Variants in UBAP2 observed in about 807,000 individuals in gnomAD.
UBAP2 encodes ubiquitin associated protein 2.
A neutral mutation model predicts 139.6 loss-of-function variants in UBAP2; 75 were observed. That is an observed-to-expected ratio of 0.54 (90% CI 0.45 to 0.65). The LOEUF (loss-of-function observed/expected upper bound fraction) is 0.65. Among genes scored for constraint, UBAP2 ranks in the 30% least tolerant of loss-of-function variants. The pLI is 0.00. For synonymous variants in UBAP2, 526 were observed against 526.2 expected (o/e 1.00, Z 0.01); for missense variants, 1,368 against 1,369.6 (o/e 1.00, Z 0.02).
chr9:33,981,103 GATATATATATATATAT>G lies in UBAP2; in HGVS notation c.520+5641_520+5656del, dbSNP rs569105151. ...TATATATATATATATATATATTCTG[GATATATATATATATAT>G]ATATATATATATATATATTCTGGAT... On this transcript the variant is annotated intron_variant, in intron 6 of 28. Transcript: ENST00000379238. 0.028 allele frequency among the ~76,000 whole-genome samples: 17 copies of G among 602 alleles called. 5 individuals are homozygous for G. In the East Asian group the frequency reaches 0.35, roughly 12 times the overall value. 0.4% of individuals were successfully genotyped at this position (602 alleles called of 152,430 possible).
chr9:33,971,851 C>T, intron 7 of UBAP2, 97 bp from the exon 8 acceptor site: 1 of 711,634 alleles, frequency 1.4e-6, no homozygotes, highest in Admixed American at 2.1e-5. Context: ...AAGCCCAGTG[C>T]CTTCTCACAG....
rs188005733 is a variant in UBAP2, at chr9:34,033,315, G to A, written c.-42+15510C>T. Among the ~76,000 whole-genome samples the A allele has an allele frequency of 4.6e-5, 7 of 152,234 alleles. No individual in the cohort carries two copies. The East Asian group carries it at 1.2e-3, about 25-fold the overall frequency. The stretch of plus-strand genomic sequence containing the variant: ...ATGAGATCCTGTCATTTGAAACAAC[G>A]TGGATAGAACCGGAGATCATTATGT... On this transcript the variant is annotated intron_variant, in intron 1 of 28. Transcript: ENST00000379238.
chr9:33,994,941 G>A (rs1225769444), intron 4 of UBAP2: 1 of 152,142 alleles, frequency 6.6e-6, no homozygotes, highest in Non-Finnish European at 1.5e-5. Context: ...CACTGACACG[G>A]TCAGTTTGTT....
At chr9:34,009,458 C>T (rs557036593) in intron 2 of UBAP2, among the ~76,000 whole-genome samples, 1 of 151,996 alleles carries the variant, frequency 6.6e-6, no homozygotes, top group Admixed American at 6.6e-5. Context: ...CAGGGTCTCG[C>T]TACTTGGCCC....
At chr9:33,990,636 A>ATTTTT (rs1821623852) in intron 4 of UBAP2, among the ~76,000 whole-genome samples, 2 of 22,420 alleles carry the variant, frequency 8.9e-5, no homozygotes, top group Admixed American at 6.0e-4. Flanking sequence ...AGTACCCCCC[A>ATTTTT]ATTTTTTTTT....
At chr9:33,922,664 G>A (rs751481975) in intron 28 of UBAP2, 23 bp downstream of exon 28, 1 of 1,577,244 alleles carries the variant, frequency 6.3e-7, no homozygotes, top group Admixed American at 1.8e-5. Flanking sequence ...GAGTAGGGTG[G>A]CTGCCTCCAT....
At chr9:33,949,836 T>C (rs936200095) in intron 12 of UBAP2, among the ~76,000 whole-genome samples, 18 of 152,182 alleles carry the variant, frequency 1.2e-4, no homozygotes, top group African/African-American at 3.9e-4. Context: ...GCAAATACCA[T>C]AGACACTGCT....
At chr9:33,944,765 C>CACACTATGTGTGTGTT (rs1354791711) in intron 13 of UBAP2, 126 bp from the exon 14 acceptor site, 1 of 1,129,616 alleles carries the variant, frequency 8.9e-7, no homozygotes, top group African/African-American at 1.6e-5. Flanking sequence ...AGGTTTTACA[C>CACACTATGTGTGTGTT]ACACTATGTG....
chr9:33,922,271 T>TGGCTAACATCTGCCGCCATCCCC lies in UBAP2; in HGVS notation c.*210_*232dup, dbSNP rs1443705103. The TGGCTAACATCTGCCGCCATCCCC allele has an allele frequency of 1.3e-4, 70 of 530,128 alleles. No individual in the cohort carries two copies. Among genetic ancestry groups the TGGCTAACATCTGCCGCCATCCCC allele is most frequent in the Non-Finnish European group, 2.2e-4 (64 of 294,962 alleles). 32.8% of individuals were successfully genotyped at this position (530,128 alleles called of 1,614,324 possible). A position where few individuals can be genotyped will look rare whatever the true frequency, so the allele number is the denominator to read the frequency against. On this transcript the variant is annotated 3_prime_UTR_variant, in exon 29 of 29. Transcript: ENST00000379238. ...GGGGCTTGAATGGGGAGGGCAGACCTGGCTAACATCTGCCGCCATCCCCCA... is the reference window on the plus strand; with the variant it reads ...GGGGCTTGAATGGGGAGGGCAGACCTGGCTAACATCTGCCGCCATCCCCGGCTAACATCTGCCGCCATCCCCCA...
intron 2 of UBAP2, among the ~76,000 whole-genome samples, chr9:34,010,573 C>A (rs1823672122): frequency 6.6e-6 from 1 of 151,576 alleles, no homozygotes. Context: ...GCTGGCTAAA[C>A]AGATGTGATA....
chr9:34,003,422 A>G (rs1484741594), intron 2 of UBAP2, among the ~76,000 whole-genome samples: 1 of 141,078 alleles, frequency 7.1e-6, no homozygotes, highest in Non-Finnish European at 1.5e-5. Context: ...CTCAGGCTGG[A>G]GTGCAGTGGC....
intron 10 of UBAP2, among the ~76,000 whole-genome samples, chr9:33,957,495 A>C (rs141873953): frequency 2.6e-5 from 4 of 152,330 alleles, no homozygotes; most frequent in Middle Eastern, 3.4e-3. Flanking sequence ...ATTTTAAATG[A>C]AATCATAAAA....
chr9:33,951,332 A>ATTTTT (rs57473520), intron 12 of UBAP2, among the ~76,000 whole-genome samples: 7 of 68,998 alleles, frequency 1.0e-4, no homozygotes, highest in South Asian at 5.0e-4. Context: ...CTCCCCAATG[A>ATTTTT]TTTTTTTTTT....
intron 22 of UBAP2, 43 bp from the exon 23 acceptor site, chr9:33,924,327 T>G (rs1823234027): frequency 6.3e-7 from 1 of 1,581,154 alleles, no homozygotes; most frequent in Non-Finnish European, 8.7e-7. Flanking sequence ...TGGCCCTGCT[T>G]GACTCCCAGG....
chr9:33,930,394 G>T (rs765907946), intron 19 of UBAP2, among the ~76,000 whole-genome samples: 10 of 152,116 alleles, frequency 6.6e-5, no homozygotes, highest in Non-Finnish European at 4.4e-5. Context: ...GACTGAAAAC[G>T]ACCCTAAATG....
chr9:33,935,171 G>GGGT (rs1824365804), intron 17 of UBAP2, among the ~76,000 whole-genome samples: 1 of 143,480 alleles, frequency 7.0e-6, no homozygotes, highest in Non-Finnish European at 1.6e-5. Context: ...GGCGGGGGGG[G>GGGT]GGGGTCTCAT....
intron 2 of UBAP2, among the ~76,000 whole-genome samples, chr9:34,000,510 T>C (rs1003369400): frequency 6.6e-6 from 1 of 152,198 alleles, no homozygotes; most frequent in Non-Finnish European, 1.5e-5. Context: ...AGGAACAATC[T>C]GTATCATCTC....
At chr9:33,971,538 T>C (rs1310388020) in intron 8 of UBAP2, 113 bp downstream of exon 8, 1 of 700,848 alleles carries the variant, frequency 1.4e-6, no homozygotes, top group Non-Finnish European at 2.6e-6. Flanking sequence ...GACAGTAGCC[T>C]GTTTTTCATT....
intron 1 of UBAP2, among the ~76,000 whole-genome samples, chr9:34,045,016 T>G (rs747091): frequency 0.56 from 84,766 of 151,376 alleles, 24,022 homozygotes; most frequent in East Asian, 0.81. Flanking sequence ...GAAAATTAGT[T>G]ATCAAAAAAT....
Sources: gnomAD v4.1 joint callset for allele counts (sites outside exome capture counted in the v4.1 genomes callset) on GRCh38, gnomAD v4.1.1 for gene constraint, MANE v1.5 for transcripts, NCBI Gene and HGNC (gene_info 2026-07-23, HGNC 2026-07-21) for gene names.